The following DTNB variants were observed in gnomAD, a reference collection of about 807,000 sequenced individuals.
DTNB encodes dystrobrevin beta.
Under a neutral mutation model 90.7 loss-of-function variants are expected in DTNB, and 63 were observed. The ratio of observed to expected loss-of-function variants is 0.69; its 90% CI spans 0.57 to 0.86. The LOEUF is 0.86. DTNB is among the 40% of genes least tolerant of loss of function. DTNB has a pLI of 0.00. For missense variants in DTNB, 744 were observed against 807.1 expected (o/e 0.92, Z 0.95); for synonymous variants, 277 against 286.7 (o/e 0.97, Z 0.34).
At chr2:25,414,855 A>T (rs946398409) in intron 16 of DTNB, among the ~76,000 whole-genome samples, 1 of 152,072 alleles carries the variant, frequency 6.6e-6, no homozygotes, top group Non-Finnish European at 1.5e-5. Flanking sequence ...TTATAGGCCT[A>T]AGTGACCCGC....
At chr2:25,621,836 A>T (rs78531606) in intron 4 of DTNB, among the ~76,000 whole-genome samples, 4 of 152,160 alleles carry the variant, frequency 2.6e-5, no homozygotes, top group African/African-American at 9.6e-5. Flanking sequence ...ATTATAAATT[A>T]TATAAGTATC....
Position 25,432,959 on chromosome 2 carries a change from C to G in DTNB, c.1384G>C (p.Glu462Gln). 6 of 1,610,882 alleles carry G rather than the reference C, an allele frequency of 3.7e-6. No homozygotes were observed. The highest frequency in any genetic ancestry group is 5.1e-6 in the Non-Finnish European group (6 of 1,179,276). ...QEIQRLRLEH[E>Q]QASQPTPEKA... ...TCAGGGGTGGGCTGGGAGGCCTGCT[C>G]GTGTTCCAGGCGGAGACGCTGAATC... The change falls in exon 14 of 21, where the codon GAG (glutamate) becomes CAG (glutamine). Residue 462 changes from glutamate to glutamine, a missense_variant. Glu to Gln is a conservative substitution (Grantham distance 29). Transcript: ENST00000406818.
intron 8 of DTNB, among the ~76,000 whole-genome samples, chr2:25,551,407 G>C (rs1232958879): frequency 6.6e-6 from 1 of 152,058 alleles, no homozygotes; most frequent in Admixed American, 6.5e-5. Flanking sequence ...TTTCATGGTT[G>C]TTGGCCATGC....
chr2:25,585,843 T>A (rs1434223020), intron 6 of DTNB, among the ~76,000 whole-genome samples: 1 of 152,238 alleles, frequency 6.6e-6, no homozygotes, highest in Non-Finnish European at 1.5e-5. Flanking sequence ...CAAACATACA[T>A]TAATCAGAGT....
intron 6 of DTNB, among the ~76,000 whole-genome samples, chr2:25,583,517 T>TTTG (rs907256555): frequency 2.6e-5 from 4 of 151,862 alleles, no homozygotes; most frequent in African/African-American, 9.7e-5. Context: ...GTGTTTTTTT[T>TTTG]TTGTTGTTGT....
intron 2 of DTNB, among the ~76,000 whole-genome samples, chr2:25,640,667 T>TG (rs997405321): frequency 5.3e-5 from 8 of 152,124 alleles, no homozygotes; most frequent in Non-Finnish European, 8.8e-5. Context: ...CTCAGTACTT[T>TG]GGGGGGCTGA....
At chr2:25,627,159 T>C (rs778734205) in intron 4 of DTNB, among the ~76,000 whole-genome samples, 3 of 152,184 alleles carry the variant, frequency 2.0e-5, no homozygotes, top group Non-Finnish European at 4.4e-5. Flanking sequence ...ACACCTGTAA[T>C]CCCAGCAGTT....
At chr2:25,539,170 T>A (rs1457068928) in intron 8 of DTNB, among the ~76,000 whole-genome samples, 4 of 152,108 alleles carry the variant, frequency 2.6e-5, no homozygotes, top group Non-Finnish European at 5.9e-5. Context: ...ACATTTGGGG[T>A]GTTTCCATGT....
intron 10 of DTNB, among the ~76,000 whole-genome samples, chr2:25,457,973 A>G (rs2060304959): frequency 6.6e-6 from 1 of 152,096 alleles, no homozygotes; most frequent in Non-Finnish European, 1.5e-5. Context: ...AGCTGGAACT[A>G]CAGGTGCACG....
chr2:25,473,029 C>T (rs1279320675), intron 10 of DTNB, among the ~76,000 whole-genome samples: 1 of 152,192 alleles, frequency 6.6e-6, no homozygotes, highest in Admixed American at 6.5e-5. Flanking sequence ...AAAGAAGATC[C>T]ACTGGCAAGT....
chr2:25,570,880 C>T (rs1423906348), intron 8 of DTNB, among the ~76,000 whole-genome samples: 2 of 152,122 alleles, frequency 1.3e-5, no homozygotes, highest in Non-Finnish European at 2.9e-5. Flanking sequence ...CCATTGACTC[C>T]CAGATTTATA....
At chr2:25,566,037 G>A (rs1288628572) in intron 8 of DTNB, among the ~76,000 whole-genome samples, 1 of 152,152 alleles carries the variant, frequency 6.6e-6, no homozygotes, top group Non-Finnish European at 1.5e-5. Context: ...ATGTTATAAG[G>A]CAAAAGGGAG....
intron 5 of DTNB, chr2:25,599,178 A>T (rs1031449114): frequency 6.6e-6 from 1 of 150,732 alleles, no homozygotes; most frequent in South Asian, 2.1e-4. Context: ...CAATGCAAGG[A>T]ACTGCAGTTG....
At position 25,387,412 on chromosome 2, in the gene DTNB, G is replaced by T; in HGVS notation, c.1736-34C>A. 6.3e-7 allele frequency: 1 copy of T among 1,596,848 alleles called. No individual in the cohort carries two copies. Among genetic ancestry groups the T allele is most frequent in the Non-Finnish European group, 8.6e-7 (1 of 1,166,568 alleles). The stretch of plus-strand genomic sequence containing the variant: ...AGGCAGAGCAGATGGGGATGCCAGG[G>T]TGGGTGAGCGTGGAGAAGAGACGGC... On this transcript the variant is annotated intron_variant, in intron 17 of 20. Transcript: ENST00000406818. The surrounding 1 kb of genome is among the most constrained non-coding windows in gnomAD (Gnocchi z 4.5).
Position 25,387,798 on chromosome 2 carries a change from C to T in DTNB, c.1735+404G>A, listed in dbSNP as rs919725709. 3.9e-5 allele frequency among the ~76,000 whole-genome samples: 6 copies of T among 152,232 alleles called. No homozygotes were observed. The highest frequency in any genetic ancestry group is 1.4e-4 in the African/African-American group (6 of 41,458). On this transcript the variant is annotated intron_variant, in intron 17 of 20. Transcript: ENST00000406818. This position sits in a 1 kb window ranked among gnomAD's most constrained non-coding sequence, Gnocchi z 4.5. The stretch of plus-strand genomic sequence containing the variant: ...CCCAACTACTTAATACTGCTGGTCA[C>T]CAGCTCCCCCGATGACTGTGACAAT...
chr2:25,609,585 G>A (rs1468719531), intron 4 of DTNB, among the ~76,000 whole-genome samples: 3 of 103,938 alleles, frequency 2.9e-5, no homozygotes, highest in African/African-American at 7.6e-5. Flanking sequence ...CAACAAGAGC[G>A]AAACTCTTTC....
chr2:25,614,775 A>C (rs1007158251), intron 4 of DTNB, among the ~76,000 whole-genome samples: 3 of 152,232 alleles, frequency 2.0e-5, no homozygotes, highest in African/African-American at 7.2e-5. Context: ...AAAACAAAAC[A>C]AAACAAAACT....
At chr2:25,395,458 G>C (rs1278182303) in intron 16 of DTNB, among the ~76,000 whole-genome samples, 1 of 150,558 alleles carries the variant, frequency 6.6e-6, no homozygotes, top group African/African-American at 2.4e-5. Context: ...ATACATATTT[G>C]TAAATACATA....
chr2:25,402,565 C>T (rs1009928326), intron 16 of DTNB, among the ~76,000 whole-genome samples: 8 of 151,924 alleles, frequency 5.3e-5, no homozygotes, highest in Non-Finnish European at 7.4e-5. Context: ...CTCTCACCAC[C>T]GCTAACACAC....
Sources: gnomAD v4.1 joint callset for allele counts (sites outside exome capture counted in the v4.1 genomes callset) on GRCh38, gnomAD v4.1.1 for gene constraint, Gnocchi (gnomAD v3.1) non-coding constraint, MANE v1.5 for transcripts, NCBI Gene and HGNC (gene_info 2026-07-23, HGNC 2026-07-21) for gene names.